SMC4: variants seen among roughly 807,000 people sequenced by gnomAD.
SMC4 encodes structural maintenance of chromosomes 4, also known as structural maintenance of chromosomes protein 4.
A neutral mutation model predicts 145.6 loss-of-function variants in SMC4; 87 were observed. That is an observed-to-expected ratio of 0.60 (90% CI 0.50 to 0.71). The LOEUF is 0.71. Among genes scored for constraint, SMC4 ranks in the 30% least tolerant of loss-of-function variants. The pLI, the probability that SMC4 is intolerant of heterozygous loss-of-function variation, is 0.00. For synonymous variants in SMC4, 558 were observed against 500.7 expected (o/e 1.11, Z -1.53); for missense variants, 1,447 against 1,537.1 (o/e 0.94, Z 0.98).
At chr3:160,423,700 T>G in intron 14 of SMC4, 50 bp downstream of exon 14, 1 of 1,599,184 alleles carries the variant, frequency 6.3e-7, no homozygotes, top group South Asian at 1.1e-5. Flanking sequence ...CCCACAGCAT[T>G]GACTTTATTT....
At chr3:160,422,207 G>A (rs1560006722) in intron 13 of SMC4, among the ~76,000 whole-genome samples, 3 of 152,140 alleles carry the variant, frequency 2.0e-5, no homozygotes. Flanking sequence ...GTTCTCTTGG[G>A]TATATATATA....
At chr3:160,410,831 G>A (rs1715910569) in intron 5 of SMC4, among the ~76,000 whole-genome samples, 1 of 152,096 alleles carries the variant, frequency 6.6e-6, no homozygotes, top group Non-Finnish European at 1.5e-5. Context: ...TAGGAAATAG[G>A]AATCACTAAG....
chr3:160,431,008 C>G, intron 19 of SMC4, 24 bp from the exon 20 acceptor site: 1 of 1,577,742 alleles, frequency 6.3e-7, no homozygotes, highest in Non-Finnish European at 8.6e-7. Context: ...AAAATTCTAT[C>G]TAGCAGTTCT....
chr3:160,409,793 A>G (rs1715778541), intron 5 of SMC4, among the ~76,000 whole-genome samples: 1 of 152,220 alleles, frequency 6.6e-6, no homozygotes, highest in Admixed American at 6.5e-5. Context: ...TAGACTAGGC[A>G]TGGTGGGTCA....
In SMC4 at chr3:160,433,112, C is replaced by T. The variant is rs1420763671; in HGVS notation, c.3617C>T (p.Ala1206Val). 1.2e-6 allele frequency: 2 copies of T among 1,613,092 alleles called. No individual in the cohort carries two copies. The highest frequency in any genetic ancestry group is 1.7e-6 in the Non-Finnish European group (2 of 1,179,154). Residue 1206 changes from alanine (A) to valine (V), a missense_variant, in exon 23 of 24, where the codon GCT (alanine) becomes GTT (valine). Transcript: ENST00000357388. ...KTLSSLALVF[A>V]LHHYKPTPLY... ...CTTAGTTCATTGGCTTTAGTATTTG[C>T]TCTTCACCACTACAAGCCCACTCCC...
chr3:160,425,154 T>G, intron 16 of SMC4, 135 bp downstream of exon 16: 4 of 1,304,436 alleles, frequency 3.1e-6, no homozygotes, highest in African/African-American at 1.5e-5. Context: ...TAGGCAGATA[T>G]AACTCTTGAT....
chr3:160,400,780 G>T, intron 1 of SMC4, 42 bp from the exon 2 acceptor site: 1 of 1,454,412 alleles, frequency 6.9e-7, no homozygotes, highest in Non-Finnish European at 9.0e-7. Flanking sequence ...GCGGTGTAGC[G>T]GCCCGCGGGC....
At chr3:160,405,991 G>GC (rs1715288273) in intron 5 of SMC4, among the ~76,000 whole-genome samples, 1 of 151,950 alleles carries the variant, frequency 6.6e-6, no homozygotes, top group Non-Finnish European at 1.5e-5. Flanking sequence ...AAAATACACT[G>GC]CATTTTAACC....
chr3:160,414,412 A>C lies in SMC4; in HGVS notation c.1167A>C (p.Lys389Asn). 1.9e-6 allele frequency: 3 copies of C among 1,609,336 alleles called. No homozygotes were observed. The highest frequency in any genetic ancestry group is 1.7e-5 in the Admixed American group (1 of 59,432). Residue 389 changes from lysine (K) to asparagine (N), a missense_variant, in exon 9 of 24, where the codon AAA (lysine) becomes AAC (asparagine). Physicochemically the swap from Lys to Asn is moderately conservative, Grantham distance 94 (BLOSUM62 0). Coordinates refer to ENST00000357388, the MANE Select transcript of SMC4 (RefSeq NM_001002800.3). ...ITKFIEENKE[K>N]FTQLDLEDVQ... ...AATTTATTGAGGAGAATAAAGAAAA[A>C]TTTACACAGCTAGATTTGGAAGATG...
chr3:160,430,370 C>T (rs1718263463), intron 18 of SMC4, among the ~76,000 whole-genome samples: 1 of 152,110 alleles, frequency 6.6e-6, no homozygotes, highest in South Asian at 2.1e-4. Context: ...ATGATACAAG[C>T]AGCTTATATA....
intron 18 of SMC4, 142 bp downstream of exon 18, chr3:160,429,084 C>A: frequency 1.5e-6 from 1 of 669,418 alleles, no homozygotes; most frequent in Non-Finnish European, 2.4e-6. Context: ...AATGGGACTT[C>A]CATGACGGAA....
At chr3:160,427,952 AACACACACAC>A (rs757783653) in intron 17 of SMC4, among the ~76,000 whole-genome samples, 1 of 149,762 alleles carries the variant, frequency 6.7e-6, no homozygotes, top group African/African-American at 2.5e-5. Flanking sequence ...CACACACACA[AACACACACAC>A]ACGCCGGGTG....
intron 13 of SMC4, among the ~76,000 whole-genome samples, chr3:160,421,385 A>T (rs751622828): frequency 1.1e-4 from 16 of 152,230 alleles, no homozygotes; most frequent in Non-Finnish European, 1.9e-4. Context: ...CAGTGCCTCC[A>T]CTAAAGGAAT....
intron 5 of SMC4, among the ~76,000 whole-genome samples, chr3:160,411,524 T>C (rs1264343323): frequency 6.6e-6 from 1 of 152,218 alleles, no homozygotes; most frequent in African/African-American, 2.4e-5. Flanking sequence ...AATTGTGTTA[T>C]TAACAATTGA....
chr3:160,420,674 T>G, intron 12 of SMC4, 66 bp from the exon 13 acceptor site: 1 of 1,546,488 alleles, frequency 6.5e-7, no homozygotes, highest in Non-Finnish European at 8.7e-7. Flanking sequence ...TTTTTAAAAC[T>G]TGATGAATGA....
At position 160,404,556 on chromosome 3, in the gene SMC4, C is replaced by G. The variant is rs753508273; in HGVS notation, c.687+52C>G. Reference sequence around the variant, plus strand: ...TCTCTTATTCTTGTTACTTTTTTTTCTATAAAGCTAGGTTGGATGAATCCT... The same window carrying G: ...TCTCTTATTCTTGTTACTTTTTTTTGTATAAAGCTAGGTTGGATGAATCCT... On this transcript the variant is annotated intron_variant, in intron 5 of 23. Coordinates refer to ENST00000357388, the MANE Select transcript of SMC4 (RefSeq NM_001002800.3). 9.6e-6 allele frequency: 15 copies of G among 1,560,756 alleles called. No individual in the cohort carries two copies. In the African/African-American group the frequency reaches 1.8e-4, roughly 18 times the overall value.
Position 160,406,654 on chromosome 3 carries a change from T to G in SMC4, c.687+2150T>G, listed in dbSNP as rs187922149. ...GATTAACAGCAAAAGTAATCTAAAT[T>G]TAGTAAAAATAAACATTTATTTTTG... On this transcript the variant is annotated intron_variant, in intron 5 of 23. Transcript: ENST00000357388. 3.6e-3 allele frequency among the ~76,000 whole-genome samples: 541 copies of G among 152,246 alleles called. 3 individuals are homozygous for G. Among genetic ancestry groups the G allele is most frequent in the Admixed American group, 7.4e-3 (113 of 15,286 alleles).
chr3:160,410,929 A>G (rs1283145605), intron 5 of SMC4, among the ~76,000 whole-genome samples: 1 of 152,206 alleles, frequency 6.6e-6, no homozygotes, highest in Non-Finnish European at 1.5e-5. Context: ...GTTGAAAATA[A>G]GAGGTATATC....
chr3:160,426,233 A>T (rs540462460), intron 17 of SMC4, 33 bp downstream of exon 17: 1 of 1,520,766 alleles, frequency 6.6e-7, no homozygotes, highest in South Asian at 1.2e-5. Context: ...TTTGGGGGGA[A>T]AAAAAAAACA....
Sources: allele counts gnomAD v4.1 joint callset (sites outside exome capture counted in the v4.1 genomes callset), GRCh38; gene constraint gnomAD v4.1.1; transcripts MANE v1.5; gene names NCBI Gene and HGNC (gene_info 2026-07-23, HGNC 2026-07-21).